The following ADAMTSL1 variants were observed in gnomAD, a reference collection of about 807,000 sequenced individuals.
ADAMTSL1 encodes the protein ADAMTS like 1, also known as ADAMTS-like protein 1.
A neutral mutation model predicts 201.8 loss-of-function variants in ADAMTSL1; 126 were observed. That is an observed-to-expected ratio of 0.62 (90% CI 0.54 to 0.72). The LOEUF (loss-of-function observed/expected upper bound fraction) is 0.72, where lower values mean the gene tolerates loss of function less well. Among genes scored for constraint, ADAMTSL1 ranks in the 30% least tolerant of loss-of-function variants. ADAMTSL1 has a pLI of 0.00. For synonymous variants in ADAMTSL1, 1,121 were observed against 903.4 expected, an observed-to-expected ratio of 1.24 and a Z score of -4.32; for missense variants, 2,679 against 2,277.8, an observed-to-expected ratio of 1.18 and a Z score of -3.59.
At chr9:18,653,619 G>GA (rs10570129) in intron 7 of ADAMTSL1, among the ~76,000 whole-genome samples, 65 of 137,842 alleles carry the variant, frequency 4.7e-4, no homozygotes, top group Admixed American at 6.5e-4. Context: ...CTATGAAAAA[G>GA]AAAAAAAAAA....
intron 5 of ADAMTSL1, among the ~76,000 whole-genome samples, chr9:18,627,709 T>C (rs755843712): frequency 6.6e-5 from 10 of 152,210 alleles, no homozygotes; most frequent in South Asian, 2.1e-4. Context: ...TGTGATTACA[T>C]TGAGTCCACT....
At chr9:18,378,444 C>T (rs73432620) in intron 2 of ADAMTSL1, among the ~76,000 whole-genome samples, 5,248 of 152,188 alleles carry the variant, frequency 0.034, 175 homozygotes, top group African/African-American at 0.088. Context: ...TTTAATTTTG[C>T]TTACTTGTTT....
chr9:17,951,944 G>A (rs1827743924), intron 1 of ADAMTSL1, among the ~76,000 whole-genome samples: 1 of 151,880 alleles, frequency 6.6e-6, no homozygotes, highest in South Asian at 2.1e-4. Flanking sequence ...GGGACCACAG[G>A]CATGCACCAT....
intron 2 of ADAMTSL1, among the ~76,000 whole-genome samples, chr9:18,313,293 G>A (rs1834226982): frequency 6.6e-6 from 1 of 152,132 alleles, no homozygotes; most frequent in African/African-American, 2.4e-5. Context: ...AATTTTCAGG[G>A]GAAGAGTCCT....
intron 1 of ADAMTSL1, among the ~76,000 whole-genome samples, chr9:18,491,544 A>G (rs7036515): frequency 0.57 from 87,416 of 152,044 alleles, 25,310 homozygotes; most frequent in African/African-American, 0.62. Context: ...TGGCTCACAA[A>G]AATCACAAAA....
chr9:18,241,615 C>A (rs1831066346), intron 2 of ADAMTSL1, among the ~76,000 whole-genome samples: 1 of 151,626 alleles, frequency 6.6e-6, no homozygotes, highest in Non-Finnish European at 1.5e-5. Flanking sequence ...CATATATAAA[C>A]AAAATGACAA....
At chr9:18,549,592 A>G (rs1820675836) in intron 3 of ADAMTSL1, among the ~76,000 whole-genome samples, 1 of 152,040 alleles carries the variant, frequency 6.6e-6, no homozygotes, top group African/African-American at 2.4e-5. Flanking sequence ...CTTCTCTTCA[A>G]TAATATTTCT....
At chr9:18,578,219 G>C (rs896511845) in intron 4 of ADAMTSL1, among the ~76,000 whole-genome samples, 1 of 152,142 alleles carries the variant, frequency 6.6e-6, no homozygotes, top group Non-Finnish European at 1.5e-5. Context: ...CCCATGAGCT[G>C]AGATTTTGTC....
chr9:18,782,385 A>G (rs908528952), intron 19 of ADAMTSL1, among the ~76,000 whole-genome samples: 4 of 152,210 alleles, frequency 2.6e-5, no homozygotes, highest in Non-Finnish European at 4.4e-5. Context: ...CTCAAATGGC[A>G]CATATTGGAG....
intron 2 of ADAMTSL1, among the ~76,000 whole-genome samples, chr9:18,436,219 T>TA (rs2133429889): frequency 6.6e-6 from 1 of 152,150 alleles, no homozygotes; most frequent in Non-Finnish European, 1.5e-5. Flanking sequence ...TGCAGGACTG[T>TA]AAATGCTCGG....
At chr9:18,528,398 G>C (rs116641395) in intron 2 of ADAMTSL1, among the ~76,000 whole-genome samples, 1 of 151,954 alleles carries the variant, frequency 6.6e-6, no homozygotes, top group African/African-American at 2.4e-5. Context: ...ATGTATACAC[G>C]TGTTCTCACC....
intron 14 of ADAMTSL1, among the ~76,000 whole-genome samples, chr9:18,715,599 A>G (rs1335075141): frequency 6.6e-6 from 1 of 152,154 alleles, no homozygotes; most frequent in Non-Finnish European, 1.5e-5. Flanking sequence ...ATACAAACAA[A>G]TGGAAGAACA....
chr9:18,368,759 T>G (rs1836901340), intron 2 of ADAMTSL1, among the ~76,000 whole-genome samples: 2 of 152,220 alleles, frequency 1.3e-5, no homozygotes, highest in Non-Finnish European at 2.9e-5. Context: ...GATCAGTTTA[T>G]AAGCCCATGT....
intron 1 of ADAMTSL1, among the ~76,000 whole-genome samples, chr9:17,974,594 A>T (rs1055924718): frequency 6.6e-6 from 1 of 151,960 alleles, no homozygotes; most frequent in Non-Finnish European, 1.5e-5. Flanking sequence ...TTTAGACTCC[A>T]TATATGTGAG....
chr9:18,023,156 G>C (rs1162601412), intron 1 of ADAMTSL1, among the ~76,000 whole-genome samples: 8 of 143,644 alleles, frequency 5.6e-5, no homozygotes, highest in African/African-American at 1.8e-4. Flanking sequence ...ATATGTATAT[G>C]TATGTCTGCG....
intron 1 of ADAMTSL1, among the ~76,000 whole-genome samples, chr9:18,106,535 A>C (rs1439110590): frequency 6.6e-6 from 1 of 152,198 alleles, no homozygotes; most frequent in Non-Finnish European, 1.5e-5. Context: ...TACTATTGTG[A>C]ATCTTGTAAA....
intron 14 of ADAMTSL1, among the ~76,000 whole-genome samples, chr9:18,712,207 G>A (rs1461777506): frequency 6.6e-6 from 1 of 152,190 alleles, no homozygotes; most frequent in African/African-American, 2.4e-5. Context: ...TCCTCCAAAG[G>A]ATCACAGTTC....
At chr9:17,938,033 T>C (rs1037487449) in intron 1 of ADAMTSL1, among the ~76,000 whole-genome samples, 1 of 152,080 alleles carries the variant, frequency 6.6e-6, no homozygotes, top group Non-Finnish European at 1.5e-5. Context: ...TGGATTTTTT[T>C]CCCCCTTGAA....
chr9:18,823,212 A>T (rs1824322169), intron 21 of ADAMTSL1, among the ~76,000 whole-genome samples: 1 of 152,212 alleles, frequency 6.6e-6, no homozygotes, highest in Non-Finnish European at 1.5e-5. Flanking sequence ...GTTTGCCAGT[A>T]GATTAAAGAA....
Sources: allele counts gnomAD v4.1 joint callset (sites outside exome capture counted in the v4.1 genomes callset), GRCh38; gene constraint gnomAD v4.1.1; transcripts MANE v1.5; gene names NCBI Gene and HGNC (gene_info 2026-07-23, HGNC 2026-07-21).